ADAMTSL1: variants seen among roughly 807,000 people sequenced by gnomAD.
ADAMTSL1 encodes the protein ADAMTS-like protein 1.
A neutral mutation model predicts 201.8 loss-of-function variants in ADAMTSL1; 126 were observed. The ratio of observed to expected loss-of-function variants is 0.62; its 90% CI spans 0.54 to 0.72. The LOEUF is 0.72. Among genes scored for constraint, ADAMTSL1 ranks in the 30% least tolerant of loss-of-function variants. The pLI is 0.00. For synonymous variants in ADAMTSL1, 1,121 were observed against 903.4 expected (o/e 1.24, Z -4.32); for missense variants, 2,679 against 2,277.8 (o/e 1.18, Z -3.59).
At chr9:18,023,850 A>G (rs1820582555) in intron 1 of ADAMTSL1, among the ~76,000 whole-genome samples, 1 of 152,178 alleles carries the variant, frequency 6.6e-6, no homozygotes, top group Admixed American at 6.6e-5. Flanking sequence ...AATGCAGAGA[A>G]TTCAGGAGAA....
At chr9:18,229,646 A>T (rs2132400436) in intron 2 of ADAMTSL1, among the ~76,000 whole-genome samples, 1 of 152,214 alleles carries the variant, frequency 6.6e-6, no homozygotes, top group South Asian at 2.1e-4. Context: ...TTCCAATCAT[A>T]AAGTTCCATA....
In ADAMTSL1 at chr9:17,938,706, A is replaced by G. The variant is rs57624894; in HGVS notation, c.87+31784A>G. Among the ~76,000 whole-genome samples the G allele has an allele frequency of 3.1e-3, 475 of 152,186 alleles. 1 individual carries two copies. Among genetic ancestry groups the G allele is most frequent in the African/African-American group, 0.011 (451 of 41,544 alleles). On this transcript the variant is annotated intron_variant, in intron 1 of 29. Coordinates refer to the ADAMTSL1 transcript ENST00000680146. ...TTCCCAGTCATCTTCCTCCGACAAG[A>G]TCCTTCATTGTTTTCTTGGCTTACC...
chr9:18,656,852 A>T (rs776779), intron 7 of ADAMTSL1, among the ~76,000 whole-genome samples: 10,063 of 151,980 alleles, frequency 0.066, 535 homozygotes, highest in African/African-American at 0.15. Context: ...GACATAAGGT[A>T]CTTTTTCCTT....
chr9:18,817,307 A>G, intron 21 of ADAMTSL1, 70 bp downstream of exon 21: 1 of 1,459,930 alleles, frequency 6.8e-7, no homozygotes, highest in Non-Finnish European at 9.2e-7. Flanking sequence ...ACAAAGACAA[A>G]TTAGACACAA....
At chr9:18,700,780 C>T (rs1374468656) in intron 13 of ADAMTSL1, among the ~76,000 whole-genome samples, 1 of 152,094 alleles carries the variant, frequency 6.6e-6, no homozygotes, top group African/African-American at 2.4e-5. Flanking sequence ...TTCCAATATA[C>T]TATTTTCCAG....
intron 2 of ADAMTSL1, among the ~76,000 whole-genome samples, chr9:18,180,425 T>C (rs1196173311): frequency 3.4e-5 from 5 of 146,208 alleles, no homozygotes. Flanking sequence ...CCCAGCTACT[T>C]GGGAGGCTGA....
intron 2 of ADAMTSL1, among the ~76,000 whole-genome samples, chr9:18,440,947 A>C (rs1428858077): frequency 6.6e-6 from 1 of 152,156 alleles, no homozygotes; most frequent in Non-Finnish European, 1.5e-5. Flanking sequence ...AATTTATGAC[A>C]GGCAAAAGAG....
At chr9:18,344,856 TGGGGTTCTGAAGGAAG>T (rs1335260064) in intron 2 of ADAMTSL1, among the ~76,000 whole-genome samples, 2 of 152,170 alleles carry the variant, frequency 1.3e-5, no homozygotes, top group African/African-American at 4.8e-5. Context: ...TCAGAACCCA[TGGGGTTCTGAAGGAAG>T]CCCAGCAGGG....
intron 1 of ADAMTSL1, among the ~76,000 whole-genome samples, chr9:17,953,033 GT>G (rs5896767): frequency 4.4e-4 from 64 of 144,570 alleles, no homozygotes; most frequent in Middle Eastern, 3.6e-3. Context: ...AATTTCCATA[GT>G]TTTTTTTTTT....
chr9:18,867,305 G>C (rs1200569358), intron 23 of ADAMTSL1, among the ~76,000 whole-genome samples: 1 of 152,174 alleles, frequency 6.6e-6, no homozygotes, highest in Non-Finnish European at 1.5e-5. Flanking sequence ...TAAAATATTT[G>C]GGAAAATATG....
intron 4 of ADAMTSL1, among the ~76,000 whole-genome samples, chr9:18,590,114 G>T (rs968774126): frequency 2.6e-5 from 4 of 151,772 alleles, no homozygotes; most frequent in Non-Finnish European, 5.9e-5. Flanking sequence ...CTCTTTGATT[G>T]TTTTTTTAAA....
At chr9:18,325,871 G>T (rs532406445) in intron 2 of ADAMTSL1, among the ~76,000 whole-genome samples, 1 of 152,070 alleles carries the variant, frequency 6.6e-6, no homozygotes, top group Non-Finnish European at 1.5e-5. Context: ...CTCCCGCGTC[G>T]CTGGGATTAC....
intron 23 of ADAMTSL1, among the ~76,000 whole-genome samples, chr9:18,830,516 T>G (rs1338223252): frequency 6.6e-6 from 1 of 152,188 alleles, no homozygotes; most frequent in Non-Finnish European, 1.5e-5. Flanking sequence ...CTAATTTCAC[T>G]AAGTACAACC....
At chr9:18,274,817 T>C (rs1255061610) in intron 2 of ADAMTSL1, among the ~76,000 whole-genome samples, 1 of 152,204 alleles carries the variant, frequency 6.6e-6, no homozygotes, top group Non-Finnish European at 1.5e-5. Flanking sequence ...CAGCACTGCA[T>C]TTGAGATTGT....
At chr9:18,142,511 C>G (rs562469642) in intron 1 of ADAMTSL1, among the ~76,000 whole-genome samples, 1 of 152,266 alleles carries the variant, frequency 6.6e-6, no homozygotes, top group South Asian at 2.1e-4. Context: ...TAATTCTGTC[C>G]CTCAGGTTTT....
chr9:18,886,178 A>ATG (rs1828859241), intron 23 of ADAMTSL1, among the ~76,000 whole-genome samples: 1 of 112,548 alleles, frequency 8.9e-6, no homozygotes, highest in Non-Finnish European at 1.8e-5. Flanking sequence ...ATATATATAT[A>ATG]TATATATATA....
At chr9:18,486,271 C>A (rs7864727) in intron 1 of ADAMTSL1, among the ~76,000 whole-genome samples, 11 of 152,114 alleles carry the variant, frequency 7.2e-5, no homozygotes, top group African/African-American at 1.4e-4. Context: ...TATCTGTATC[C>A]TAAAAAGTTA....
chr9:18,613,924 A>C (rs1297432939), intron 4 of ADAMTSL1, among the ~76,000 whole-genome samples: 2 of 152,202 alleles, frequency 1.3e-5, no homozygotes, highest in African/African-American at 2.4e-5. Context: ...GGAGAAATAC[A>C]GCTTTAAATA....
At chr9:18,106,218 T>G (rs1824756503) in intron 1 of ADAMTSL1, among the ~76,000 whole-genome samples, 1 of 152,220 alleles carries the variant, frequency 6.6e-6, no homozygotes, top group Non-Finnish European at 1.5e-5. Context: ...TCCCTGCTTC[T>G]GAATGAAAGC....
Sources: gnomAD v4.1 joint callset for allele counts (sites outside exome capture counted in the v4.1 genomes callset) on GRCh38, gnomAD v4.1.1 for gene constraint, MANE v1.5 for transcripts, NCBI Gene and HGNC (gene_info 2026-07-23, HGNC 2026-07-21) for gene names.